DLG2: variants seen among roughly 807,000 people sequenced by gnomAD.
DLG2 encodes the protein discs large MAGUK scaffold protein 2.
Under a neutral mutation model 132.5 loss-of-function variants are expected in DLG2, and 45 were observed. The observed-to-expected ratio is 0.34, with a 90% CI of 0.27 to 0.44. The LOEUF is 0.44. Ranked by LOEUF, DLG2 falls within the 20% of genes least tolerant of loss-of-function variation. The pLI, the probability that DLG2 is intolerant of heterozygous loss-of-function variation, is 1.00. For missense variants in DLG2, 1,045 were observed against 1,196.9 expected (o/e 0.87, Z 1.87); for synonymous variants, 424 against 419.6 (o/e 1.01, Z -0.13).
intron 3 of DLG2, among the ~76,000 whole-genome samples, chr11:85,342,862 G>A (rs995098975): frequency 5.9e-5 from 9 of 152,146 alleles, no homozygotes; most frequent in African/African-American, 1.9e-4. Flanking sequence ...CTTAATATGT[G>A]TATGTAAGGT....
chr11:83,828,530 A>T (rs1289601562), intron 17 of DLG2, among the ~76,000 whole-genome samples: 2 of 152,240 alleles, frequency 1.3e-5, no homozygotes, highest in Non-Finnish European at 2.9e-5. Context: ...CAATGGACAC[A>T]GGTAAACATG....
chr11:83,483,370 G>GGAGTT, intron 22 of DLG2: 3 of 1,223,574 alleles, frequency 2.5e-6, no homozygotes, highest in Non-Finnish European at 3.6e-6. Flanking sequence ...AGAAGTCAGT[G>GGAGTT]GAGTTGAAAT....
intron 18 of DLG2, among the ~76,000 whole-genome samples, chr11:83,774,011 A>T (rs2094494620): frequency 6.6e-6 from 1 of 152,194 alleles, no homozygotes; most frequent in East Asian, 1.9e-4. Context: ...TCCAAGACCA[A>T]ACATGAAAAA....
intron 6 of DLG2, among the ~76,000 whole-genome samples, chr11:84,682,227 A>T (rs1408481457): frequency 2.0e-5 from 3 of 152,164 alleles, no homozygotes; most frequent in Non-Finnish European, 4.4e-5. Context: ...AACAAACCAA[A>T]TTATAGCACA....
intron 3 of DLG2, among the ~76,000 whole-genome samples, chr11:85,294,244 TG>T (rs2079087004): frequency 6.6e-6 from 1 of 152,142 alleles, no homozygotes; most frequent in Non-Finnish European, 1.5e-5. Context: ...ATAACTTTTC[TG>T]TATATTTGAA....
chr11:84,442,730 G>A (rs1259197489), intron 7 of DLG2, among the ~76,000 whole-genome samples: 1 of 151,358 alleles, frequency 6.6e-6, no homozygotes, highest in Admixed American at 6.6e-5. Flanking sequence ...AAGAAAGAAA[G>A]AAAGAAATTT....
At chr11:85,603,545 C>T (rs1325974072) in intron 2 of DLG2, among the ~76,000 whole-genome samples, 2 of 150,266 alleles carry the variant, frequency 1.3e-5, no homozygotes, top group Non-Finnish European at 3.0e-5. Flanking sequence ...TTTTTTAATA[C>T]AATTATAACT....
chr11:84,787,963 G>A (rs1231603518), intron 6 of DLG2, among the ~76,000 whole-genome samples: 1 of 151,300 alleles, frequency 6.6e-6, no homozygotes, highest in Admixed American at 6.6e-5. Flanking sequence ...TTAGCTGGGT[G>A]TGATGGTGCA....
intron 11 of DLG2, among the ~76,000 whole-genome samples, chr11:84,013,164 C>A (rs184235921): frequency 5.9e-5 from 9 of 152,220 alleles, no homozygotes; most frequent in African/African-American, 1.9e-4. Context: ...TGTTTAATTG[C>A]AGAACCTGAG....
At chr11:84,936,918 C>T (rs768675735) in intron 6 of DLG2, among the ~76,000 whole-genome samples, 1 of 152,048 alleles carries the variant, frequency 6.6e-6, no homozygotes, top group Admixed American at 6.6e-5. Flanking sequence ...TTTAGGAGGC[C>T]GAGGCAGCTG....
chr11:84,626,049 C>A (rs377484669), intron 6 of DLG2, among the ~76,000 whole-genome samples: 1 of 152,112 alleles, frequency 6.6e-6, no homozygotes, highest in African/African-American at 2.4e-5. Flanking sequence ...ACTGCTATTG[C>A]TTATTGAGGA....
chr11:84,506,811 G>T, intron 7 of DLG2, among the ~76,000 whole-genome samples: 1 of 152,168 alleles, frequency 6.6e-6, no homozygotes. Flanking sequence ...GTAAGAATTT[G>T]TTGGAACCTC....
At chr11:84,502,285 T>TC (rs2099216310) in intron 7 of DLG2, among the ~76,000 whole-genome samples, 1 of 2,718 alleles carries the variant, frequency 3.7e-4, no homozygotes, top group Non-Finnish European at 6.2e-4. Context: ...CTTCCTTCTT[T>TC]CTTTCTTTCT....
At chr11:85,275,549 A>T (rs919823394) in intron 4 of DLG2, among the ~76,000 whole-genome samples, 4 of 152,122 alleles carry the variant, frequency 2.6e-5, no homozygotes, top group African/African-American at 9.6e-5. Flanking sequence ...CATCTCAAAA[A>T]TAATCCAGAA....
At chr11:85,481,253 G>A (rs370031868) in intron 3 of DLG2, among the ~76,000 whole-genome samples, 6 of 152,200 alleles carry the variant, frequency 3.9e-5, no homozygotes, top group Non-Finnish European at 8.8e-5. Flanking sequence ...GATCAGTACA[G>A]TAGAAATTAA....
intron 7 of DLG2, among the ~76,000 whole-genome samples, chr11:84,507,588 T>A (rs1200309607): frequency 6.6e-6 from 1 of 152,204 alleles, no homozygotes; most frequent in Non-Finnish European, 1.5e-5. Context: ...GCCCATTCAG[T>A]ATGATGTTGG....
chr11:84,624,689 C>A (rs998289763), intron 6 of DLG2, among the ~76,000 whole-genome samples: 5 of 151,502 alleles, frequency 3.3e-5, no homozygotes, highest in Non-Finnish European at 7.4e-5. Flanking sequence ...CCATGACATT[C>A]CTCCTTTTAT....
At chr11:84,596,074 C>G (rs2099556053) in intron 6 of DLG2, among the ~76,000 whole-genome samples, 1 of 152,146 alleles carries the variant, frequency 6.6e-6, no homozygotes, top group Non-Finnish European at 1.5e-5. Context: ...TAACACCTAG[C>G]ATTAGCTAAT....
chr11:83,920,001 G>A (rs4488222), intron 15 of DLG2, among the ~76,000 whole-genome samples: 24,817 of 152,098 alleles, frequency 0.16, 2,461 homozygotes, highest in Non-Finnish European at 0.23. Context: ...ACTTGGTCAC[G>A]GGGATGAGTT....
Sources: allele counts gnomAD v4.1 joint callset (sites outside exome capture counted in the v4.1 genomes callset), GRCh38; gene constraint gnomAD v4.1.1; transcripts MANE v1.5; gene names NCBI Gene and HGNC (gene_info 2026-07-23, HGNC 2026-07-21).